LSM5: variants seen among roughly 807,000 people sequenced by gnomAD.
LSM5 encodes U6 snRNA-associated Sm-like protein LSm5.
In LSM5, 8 loss-of-function variants were observed where a neutral mutation model predicts 13.8. The observed-to-expected ratio is 0.58, with a 90% CI of 0.34 to 1.04. The LOEUF is 1.04. Ranked by LOEUF, LSM5 falls within the 50% of genes least tolerant of loss-of-function variation. The pLI is 0.03. For synonymous variants in LSM5, 35 were observed against 37.0 expected (o/e 0.95, Z 0.20); for missense variants, 80 against 108.1 (o/e 0.74, Z 1.15).
Position 32,487,733 on chromosome 7 carries a change from C to T in LSM5, c.195G>A (p.Arg65=), listed in dbSNP as rs1267068231. 11 of 1,506,376 alleles carry T rather than the reference C, an allele frequency of 7.3e-6. No homozygotes were observed. Among genetic ancestry groups the T allele is most frequent in the Non-Finnish European group, 1.0e-5 (11 of 1,083,180 alleles). 93.3% of individuals were successfully genotyped at this position (1,506,376 alleles called of 1,614,324 possible). ...TEFEITPEGR[R]ITKLDQILLN... ...GCAAAATCTGATCTAATTTAGTAATCCTTCTTCCTTCTGGTGTGATTTCAC... is the reference window on the plus strand; with the variant it reads ...GCAAAATCTGATCTAATTTAGTAATTCTTCTTCCTTCTGGTGTGATTTCAC... The change falls in exon 4 of 5, where the codon AGG becomes AGA. Residue 65 remains arginine (R), a synonymous_variant. Transcript: ENST00000450169.
At chr7:32,493,111 T>G (rs1196414457), upstream of LSM5, among the ~76,000 whole-genome samples, 3 of 152,156 alleles carry the variant, frequency 2.0e-5, no homozygotes, top group African/African-American at 7.2e-5. Context: ...GAGGCCAGCC[T>G]GGGCAACATA....
intron 1 of LSM5, chr7:32,489,973 G>A (rs1308408760): frequency 2.5e-6 from 3 of 1,199,490 alleles, no homozygotes; most frequent in Non-Finnish European, 3.2e-6. Flanking sequence ...ACATAACATG[G>A]TCTATCTAAT....
At chr7:32,487,558 T>C in intron 4 of LSM5, 127 bp downstream of exon 4, 2 of 705,300 alleles carry the variant, frequency 2.8e-6, no homozygotes, top group African/African-American at 1.8e-5. Context: ...AGAGAACCCC[T>C]TTCCCATCTT....
At chr7:32,491,737 G>A (rs1228323618), upstream of LSM5, among the ~76,000 whole-genome samples, 1 of 152,206 alleles carries the variant, frequency 6.6e-6, no homozygotes, top group Admixed American at 6.5e-5. Flanking sequence ...GGTCAGCATA[G>A]GACCTGGCAC....
In LSM5 at chr7:32,487,134, CA is replaced by C; in HGVS notation, c.*126del. The C allele has an allele frequency of 1.3e-6, 1 of 782,946 alleles. No individual in the cohort carries two copies. The highest frequency in any genetic ancestry group is 2.2e-6 in the Non-Finnish European group (1 of 463,594). 48.5% of individuals were successfully genotyped at this position (782,946 alleles called of 1,614,324 possible). A position where few individuals can be genotyped will look rare whatever the true frequency, so the allele number is the denominator to read the frequency against. ...ACTTACAAAAATGGGTACACATCTTCAAAGCACTTCCCTTTAACGGGAAACT... is the reference window on the plus strand; with the variant it reads ...ACTTACAAAAATGGGTACACATCTTCAAGCACTTCCCTTTAACGGGAAACT... On this transcript the variant is annotated 3_prime_UTR_variant, in exon 5 of 5. Transcript: ENST00000450169.
intron 2 of LSM5, among the ~76,000 whole-genome samples, chr7:32,489,014 T>C (rs1278571181): frequency 6.6e-6 from 1 of 152,228 alleles, no homozygotes; most frequent in African/African-American, 2.4e-5. Flanking sequence ...CGTGAGCCAC[T>C]GGGCTCGCCT....
chr7:32,487,134 C>G lies in LSM5; in HGVS notation c.*127G>C. On this transcript the variant is annotated 3_prime_UTR_variant, in exon 5 of 5. Transcript: ENST00000450169. ...ACTTACAAAAATGGGTACACATCTT[C>G]AAAGCACTTCCCTTTAACGGGAAAC... 1 of 782,948 alleles carries G rather than the reference C, an allele frequency of 1.3e-6. No individual in the cohort carries two copies. The highest frequency in any genetic ancestry group is 1.6e-5 in the South Asian group (1 of 64,016). The allele number at this position is 782,948 out of a possible 1,614,324, so 48.5% of individuals were successfully genotyped here.
At chr7:32,490,250 G>A in intron 1 of LSM5, 70 bp downstream of exon 1, 1 of 1,613,684 alleles carries the variant, frequency 6.2e-7, no homozygotes, top group Non-Finnish European at 8.5e-7. Flanking sequence ...GGCCTGCCTC[G>A]GAACAGCCCC....
intron 1 of LSM5, 61 bp downstream of exon 1, chr7:32,490,259 C>T: frequency 1.9e-6 from 3 of 1,613,988 alleles, no homozygotes; most frequent in Non-Finnish European, 2.5e-6. Flanking sequence ...CGGAACAGCC[C>T]CTCGGCCCCC....
At chr7:32,490,741 A>G (rs1583464596), upstream of LSM5, 4 of 236,504 alleles carry the variant, frequency 1.7e-5, no homozygotes, top group East Asian at 2.1e-4. Context: ...CCTGCCATCA[A>G]TTAACTGTTA....
upstream of LSM5, among the ~76,000 whole-genome samples, chr7:32,492,594 T>C (rs1786619542): frequency 6.6e-6 from 1 of 151,378 alleles, no homozygotes; most frequent in African/African-American, 2.4e-5. Context: ...ATAAAGAAAA[T>C]CTCTTTAGAA....
chr7:32,493,518 A>G (rs1182985292), upstream of LSM5, among the ~76,000 whole-genome samples: 7 of 139,844 alleles, frequency 5.0e-5, no homozygotes, highest in Non-Finnish European at 9.5e-5. Context: ...CCCAGTAACT[A>G]ACTTTTTCTT....
rs1438559175 is a variant in LSM5, at chr7:32,489,454, A to G, written c.47-110T>C. The G allele has an allele frequency of 4.4e-6, 3 of 686,188 alleles. No homozygotes were observed. The East Asian group carries it at 8.0e-5, about 18-fold the overall frequency. The allele number at this position is 686,188 out of a possible 1,614,324, so 42.5% of individuals were successfully genotyped here. A position where few individuals can be genotyped will look rare whatever the true frequency, so the allele number is the denominator to read the frequency against. ...GAAAGAAAAACCAGGAAAAACATTC[A>G]TTCAATAACTTTAGGTCTTATAATA... On this transcript the variant is annotated intron_variant, in intron 1 of 4. Coordinates refer to ENST00000450169, the MANE Select transcript of LSM5 (RefSeq NM_012322.3).
In LSM5 at chr7:32,490,313, C is replaced by T. The variant is rs1451521404; in HGVS notation, c.46+7G>A. On this transcript the variant is annotated splice_region_variant and intron_variant, in intron 1 of 4. Coordinates refer to ENST00000450169, the MANE Select transcript of LSM5 (RefSeq NM_012322.3). ...CCTGTTCCTGCTCCCCAAAGGACGG[C>T]GATTACCTAAGGGCAGCAGCTGCGA... 6.2e-7 allele frequency: 1 copy of T among 1,614,182 alleles called. No homozygotes were observed. The highest frequency in any genetic ancestry group is 1.3e-5 in the African/African-American group (1 of 75,054).
intron 1 of LSM5, chr7:32,489,719 T>G: frequency 3.4e-6 from 1 of 294,182 alleles, no homozygotes. Context: ...AACATCTCTT[T>G]AGCTAGCCTA....
At chr7:32,490,441 C>G, upstream of LSM5, 1 of 1,282,060 alleles carries the variant, frequency 7.8e-7, no homozygotes, top group Non-Finnish European at 1.1e-6. Context: ...TTTCCGCAGC[C>G]CAAACAGGCT....
At chr7:32,488,048 G>GTT (rs10653528) in intron 3 of LSM5, 21,665 of 260,246 alleles carry the variant, frequency 0.083, 63 homozygotes, top group South Asian at 0.14. Context: ...TGTTTTTTGG[G>GTT]TTTTTTTTTT....
rs1332311978 is a variant in LSM5 at position 32,489,195 on chromosome 7, CTTATG to C, written c.142+49_142+53del. On this transcript the variant is annotated intron_variant, in intron 2 of 4. Coordinates refer to ENST00000450169, the MANE Select transcript of LSM5 (RefSeq NM_012322.3). ...ACAAATATACTGATTGTCTATAGTT[CTTATG>C]TTATTACTTAAGAAAAACCTATACC... 4 of 840,052 alleles carry C rather than the reference CTTATG, an allele frequency of 4.8e-6. No individual in the cohort carries two copies. The African/African-American group carries it at 5.1e-5, about 11-fold the overall frequency. The allele number at this position is 840,052 out of a possible 1,614,324, so 52.0% of individuals were successfully genotyped here.
At chr7:32,494,211 T>A (rs1333342073), upstream of LSM5, among the ~76,000 whole-genome samples, 1 of 152,178 alleles carries the variant, frequency 6.6e-6, no homozygotes, top group Non-Finnish European at 1.5e-5. Flanking sequence ...TCAAGACAGG[T>A]TATATCAAGA....
Sources: gnomAD v4.1 joint callset for allele counts (sites outside exome capture counted in the v4.1 genomes callset) on GRCh38, gnomAD v4.1.1 for gene constraint, MANE v1.5 for transcripts, NCBI Gene and HGNC (gene_info 2026-07-23, HGNC 2026-07-21) for gene names.